The following IMMP2L variants were observed in gnomAD, a reference collection of about 807,000 sequenced individuals.
The protein encoded by IMMP2L is inner mitochondrial membrane peptidase subunit 2, also known as mitochondrial inner membrane protease subunit 2.
In IMMP2L, 18 loss-of-function variants were observed where a neutral mutation model predicts 19.3. The observed-to-expected ratio is 0.93, with a 90% CI of 0.64 to 1.38. The LOEUF is 1.38. Among genes scored for constraint, IMMP2L ranks in the 40% most tolerant of loss-of-function variants. The pLI, the probability that IMMP2L is intolerant of heterozygous loss-of-function variation, is 0.00. For missense variants in IMMP2L, 233 were observed against 218.2 expected (o/e 1.07, Z -0.43); for synonymous variants, 76 against 73.0 (o/e 1.04, Z -0.21).
At chr7:110,798,865 A>T (rs1430220316) in intron 5 of IMMP2L, among the ~76,000 whole-genome samples, 1 of 151,968 alleles carries the variant, frequency 6.6e-6, no homozygotes, top group Non-Finnish European at 1.5e-5. Context: ...TACATATAAA[A>T]ATTTATATAT....
chr7:111,064,243 G>A (rs2129574751), intron 3 of IMMP2L, among the ~76,000 whole-genome samples: 1 of 152,262 alleles, frequency 6.6e-6, no homozygotes, highest in African/African-American at 2.4e-5. Flanking sequence ...CATAAGACCA[G>A]CTCAGGAAAA....
chr7:110,914,173 G>A (rs1364690044), intron 4 of IMMP2L, among the ~76,000 whole-genome samples: 1 of 152,084 alleles, frequency 6.6e-6, no homozygotes, highest in Non-Finnish European at 1.5e-5. Context: ...AGTCACACTG[G>A]TAAAGTGATG....
chr7:111,400,306 C>G (rs1833298675), intron 3 of IMMP2L, among the ~76,000 whole-genome samples: 1 of 152,156 alleles, frequency 6.6e-6, no homozygotes, highest in Admixed American at 6.5e-5. Context: ...ACGATTGCAA[C>G]AGTGAATAAG....
intron 3 of IMMP2L, chr7:111,122,565 C>T (rs1045048925): frequency 3.7e-6 from 2 of 546,472 alleles, no homozygotes; most frequent in Admixed American, 3.5e-5. Context: ...GAAATAGTAA[C>T]CTTCTCTTCT....
At chr7:110,717,272 G>A (rs999638660) in intron 5 of IMMP2L, among the ~76,000 whole-genome samples, 2 of 151,986 alleles carry the variant, frequency 1.3e-5, no homozygotes, top group Non-Finnish European at 2.9e-5. Flanking sequence ...GTCAGGAGAT[G>A]GAGACCATCC....
At chr7:111,121,127 T>G (rs1235705706) in intron 3 of IMMP2L, among the ~76,000 whole-genome samples, 2 of 152,228 alleles carry the variant, frequency 1.3e-5, no homozygotes, top group Admixed American at 6.5e-5. Flanking sequence ...TTTTAACGAT[T>G]AAATTTCTCA....
intron 3 of IMMP2L, among the ~76,000 whole-genome samples, chr7:110,981,253 A>G (rs1821264594): frequency 6.6e-6 from 1 of 152,054 alleles, no homozygotes; most frequent in African/African-American, 2.4e-5. Context: ...ATAAAAGACA[A>G]TTATCTGAAA....
intron 3 of IMMP2L, among the ~76,000 whole-genome samples, chr7:111,486,975 T>C (rs143556974): frequency 1.3e-5 from 2 of 152,290 alleles, no homozygotes; most frequent in East Asian, 1.9e-4. Flanking sequence ...CAAATGCATG[T>C]ATTTTTAATA....
At chr7:111,259,654 C>CAAT (rs3052105) in intron 3 of IMMP2L, among the ~76,000 whole-genome samples, 17 of 150,308 alleles carry the variant, frequency 1.1e-4, no homozygotes, top group Non-Finnish European at 1.9e-4. Context: ...AATTTTAAAA[C>CAAT]AATAATAATA....
intron 3 of IMMP2L, among the ~76,000 whole-genome samples, chr7:110,967,784 T>C (rs1012430756): frequency 6.6e-6 from 1 of 152,114 alleles, no homozygotes; most frequent in African/African-American, 2.4e-5. Context: ...ATCATTATAA[T>C]TTTAAAAATA....
intron 3 of IMMP2L, among the ~76,000 whole-genome samples, chr7:111,481,596 ATG>A (rs1842194604): frequency 6.7e-6 from 1 of 150,224 alleles, no homozygotes; most frequent in African/African-American, 2.5e-5. Flanking sequence ...TAAAAATATT[ATG>A]TTTTTTTTTT....
rs191501993 is a variant in IMMP2L at position 111,122,000 on chromosome 7, G to A, written c.240-158435C>T. 3.7e-3 allele frequency among the ~76,000 whole-genome samples: 555 copies of A among 150,138 alleles called. 2 individuals are homozygous for A. Among genetic ancestry groups the A allele is most frequent in the Middle Eastern group, 0.017 (5 of 288 alleles). ...AGGACAAAAAAACCAAACACCACAT[G>A]TTCTCACTCATAGTTGGGAACTGAA... On this transcript the variant is annotated intron_variant, in intron 3 of 5. Transcript: ENST00000405709.
intron 3 of IMMP2L, among the ~76,000 whole-genome samples, chr7:111,181,374 AT>A (rs1188172153): frequency 6.6e-6 from 1 of 151,958 alleles, no homozygotes; most frequent in Non-Finnish European, 1.5e-5. Flanking sequence ...CTATTTTCTT[AT>A]TTGTTTGTTT....
intron 3 of IMMP2L, among the ~76,000 whole-genome samples, chr7:111,368,239 C>A (rs1202673632): frequency 6.6e-6 from 1 of 151,878 alleles, no homozygotes; most frequent in Admixed American, 6.6e-5. Context: ...TTCCTGACAT[C>A]ACCCCTACTT....
intron 3 of IMMP2L, among the ~76,000 whole-genome samples, chr7:111,227,572 C>A (rs1467671601): frequency 6.6e-6 from 1 of 151,908 alleles, no homozygotes. Flanking sequence ...AAAGGAATCC[C>A]AAGAAATAAA....
At chr7:111,443,488 G>A (rs1021357972) in intron 3 of IMMP2L, among the ~76,000 whole-genome samples, 6 of 152,100 alleles carry the variant, frequency 3.9e-5, no homozygotes, top group Non-Finnish European at 5.9e-5. Flanking sequence ...GCTTGAAGCA[G>A]CTTGGTGCAG....
chr7:110,934,177 A>G (rs2129552125), intron 4 of IMMP2L, among the ~76,000 whole-genome samples: 1 of 152,202 alleles, frequency 6.6e-6, no homozygotes, highest in Non-Finnish European at 1.5e-5. Context: ...CCTGAGTCCT[A>G]ATTTGATTGT....
At chr7:111,291,642 T>C (rs1442586517) in intron 3 of IMMP2L, among the ~76,000 whole-genome samples, 1 of 151,942 alleles carries the variant, frequency 6.6e-6, no homozygotes, top group Admixed American at 6.6e-5. Context: ...GATTAAAGGG[T>C]ACAAAATTTC....
At chr7:111,183,079 A>G (rs1226162779) in intron 3 of IMMP2L, among the ~76,000 whole-genome samples, 1 of 152,060 alleles carries the variant, frequency 6.6e-6, no homozygotes, top group East Asian at 1.9e-4. Context: ...TGTATCTTAA[A>G]TGTTTATTTT....
Sources: gnomAD v4.1 joint callset for allele counts (sites outside exome capture counted in the v4.1 genomes callset) on GRCh38, gnomAD v4.1.1 for gene constraint, MANE v1.5 for transcripts, NCBI Gene and HGNC (gene_info 2026-07-23, HGNC 2026-07-21) for gene names.